Variants in PRKG1 observed in about 807,000 individuals in gnomAD.
PRKG1 encodes cGMP-dependent protein kinase 1.
In PRKG1, 35 loss-of-function variants were observed where a neutral mutation model predicts 88.1. The observed-to-expected ratio is 0.40, with a 90% CI of 0.30 to 0.53. The LOEUF (loss-of-function observed/expected upper bound fraction) is 0.53, where lower values mean the gene tolerates loss of function less well. PRKG1 is among the 20% of genes least tolerant of loss of function. PRKG1 has a pLI of 0.59. For missense variants in PRKG1, 540 were observed against 839.8 expected (o/e 0.64, Z 4.41); for synonymous variants, 303 against 292.5 (o/e 1.04, Z -0.37).
At chr10:51,944,106 C>A (rs1233143489) in intron 5 of PRKG1, among the ~76,000 whole-genome samples, 1 of 151,982 alleles carries the variant, frequency 6.6e-6, no homozygotes, top group Non-Finnish European at 1.5e-5. Flanking sequence ...GGTTAGTAAG[C>A]TATTGATTAT....
At chr10:51,778,136 T>C (rs548228775) in intron 3 of PRKG1, among the ~76,000 whole-genome samples, 1 of 152,264 alleles carries the variant, frequency 6.6e-6, no homozygotes, top group African/African-American at 2.4e-5. Flanking sequence ...ACATTTCCAG[T>C]TCCTGTCGTG....
In PRKG1 at chr10:51,062,310, T is replaced by C. The variant is rs558401749; in HGVS notation, c.266+70666T>C. On this transcript the variant is annotated intron_variant, in intron 1 of 17. Transcript: ENST00000401604. Reference sequence around the variant, plus strand: ...AAGCTTTGCTCAACTTCTTAGCCTCTCAGCTTCTAATTTATGCTTACTTAC... The same window carrying C: ...AAGCTTTGCTCAACTTCTTAGCCTCCCAGCTTCTAATTTATGCTTACTTAC... Among the ~76,000 whole-genome samples the C allele has an allele frequency of 1.2e-4, 19 of 152,336 alleles. No homozygotes were observed. The South Asian group carries it at 3.7e-3, about 30-fold the overall frequency.
intron 9 of PRKG1, among the ~76,000 whole-genome samples, chr10:52,218,916 A>G (rs367816364): frequency 9.9e-5 from 15 of 152,284 alleles, no homozygotes; most frequent in African/African-American, 3.4e-4. Context: ...AACAAAATAT[A>G]AGAGAATATT....
At chr10:51,526,073 G>T (rs991041286) in intron 3 of PRKG1, among the ~76,000 whole-genome samples, 5 of 152,094 alleles carry the variant, frequency 3.3e-5, no homozygotes, top group Non-Finnish European at 7.4e-5. Context: ...ACCTGCCTTG[G>T]CCTCCCAAAG....
At chr10:52,177,853 C>T (rs1348805653) in intron 9 of PRKG1, among the ~76,000 whole-genome samples, 1 of 151,038 alleles carries the variant, frequency 6.6e-6, no homozygotes, top group Non-Finnish European at 1.5e-5. Context: ...TCTCTTTTAC[C>T]ATTTCTTATT....
intron 1 of PRKG1, among the ~76,000 whole-genome samples, chr10:51,088,018 G>A (rs1844299156): frequency 6.6e-6 from 1 of 152,114 alleles, no homozygotes; most frequent in Non-Finnish European, 1.5e-5. Context: ...ACCAGCCTTG[G>A]CCTCCAAAAG....
intron 3 of PRKG1, among the ~76,000 whole-genome samples, chr10:51,762,791 C>A (rs935457646): frequency 6.6e-6 from 1 of 152,164 alleles, no homozygotes; most frequent in African/African-American, 2.4e-5. Context: ...TATCTGCCAG[C>A]AAAGGCTACT....
intron 3 of PRKG1, among the ~76,000 whole-genome samples, chr10:51,610,356 T>C (rs1355769442): frequency 6.6e-6 from 1 of 152,196 alleles, no homozygotes; most frequent in African/African-American, 2.4e-5. Context: ...GCAATGTTTT[T>C]AGTTCCAACA....
intron 5 of PRKG1, among the ~76,000 whole-genome samples, chr10:52,025,085 G>C (rs990075842): frequency 2.0e-5 from 3 of 152,164 alleles, no homozygotes; most frequent in African/African-American, 7.2e-5. Context: ...GACCAGTGAT[G>C]ATGAGCATTT....
At chr10:51,750,368 A>G (rs1336191609) in intron 3 of PRKG1, among the ~76,000 whole-genome samples, 1 of 152,190 alleles carries the variant, frequency 6.6e-6, no homozygotes, top group Non-Finnish European at 1.5e-5. Context: ...TCACTAACAG[A>G]CATAACAGAG....
At chr10:52,170,303 C>T (rs1471431211) in intron 9 of PRKG1, among the ~76,000 whole-genome samples, 1 of 152,122 alleles carries the variant, frequency 6.6e-6, no homozygotes, top group Non-Finnish European at 1.5e-5. Flanking sequence ...CATCATGCAC[C>T]TAAATTGTTC....
At chr10:51,674,261 C>T (rs947223862) in intron 3 of PRKG1, among the ~76,000 whole-genome samples, 1 of 151,786 alleles carries the variant, frequency 6.6e-6, no homozygotes, top group Non-Finnish European at 1.5e-5. Flanking sequence ...TGGTGGTTTG[C>T]CCCCATCATG....
chr10:52,059,130 T>C (rs1463670627), intron 6 of PRKG1, among the ~76,000 whole-genome samples: 1 of 151,956 alleles, frequency 6.6e-6, no homozygotes, highest in East Asian at 1.9e-4. Flanking sequence ...GCATACTTAA[T>C]AGAATGGCTA....
chr10:51,953,594 T>G (rs1223966534), intron 5 of PRKG1, among the ~76,000 whole-genome samples: 1 of 152,210 alleles, frequency 6.6e-6, no homozygotes, highest in Non-Finnish European at 1.5e-5. Context: ...GTTGTCTTTG[T>G]GTACCGAGGT....
intron 5 of PRKG1, among the ~76,000 whole-genome samples, chr10:52,012,200 C>A (rs1473561448): frequency 6.7e-6 from 1 of 149,826 alleles, no homozygotes; most frequent in Admixed American, 6.6e-5. Flanking sequence ...TGGACTATTG[C>A]ACAGTTTTGT....
chr10:51,263,624 CT>C (rs1276200736), intron 2 of PRKG1, among the ~76,000 whole-genome samples: 1 of 152,170 alleles, frequency 6.6e-6, no homozygotes, highest in East Asian at 1.9e-4. Flanking sequence ...TTCAAATGGA[CT>C]TAATTGTTCT....
At chr10:52,186,321 C>G (rs1285823544) in intron 9 of PRKG1, among the ~76,000 whole-genome samples, 3 of 152,070 alleles carry the variant, frequency 2.0e-5, no homozygotes, top group African/African-American at 7.2e-5. Context: ...ACAACCAAAT[C>G]TCATGTGAAC....
At chr10:51,049,776 T>A (rs1843538011) in intron 1 of PRKG1, among the ~76,000 whole-genome samples, 2 of 152,240 alleles carry the variant, frequency 1.3e-5, no homozygotes, top group Admixed American at 1.3e-4. Flanking sequence ...TTCTAGTTGG[T>A]ATGGGTTTTT....
chr10:52,071,156 AT>A (rs1046427335), intron 7 of PRKG1, among the ~76,000 whole-genome samples: 1 of 150,726 alleles, frequency 6.6e-6, no homozygotes, highest in South Asian at 2.1e-4. Flanking sequence ...CATATTTTTA[AT>A]TTTGATTCAG....
Sources: gnomAD v4.1 joint callset for allele counts (sites outside exome capture counted in the v4.1 genomes callset) on GRCh38, gnomAD v4.1.1 for gene constraint, MANE v1.5 for transcripts, NCBI Gene and HGNC (gene_info 2026-07-23, HGNC 2026-07-21) for gene names.